Variants in UBTD2 observed in about 807,000 individuals in gnomAD.
The protein encoded by UBTD2 is ubiquitin domain-containing protein 2.
In UBTD2, 9 loss-of-function variants were observed where a neutral mutation model predicts 19.8. That is an observed-to-expected ratio of 0.46 (90% CI 0.27 to 0.79). The LOEUF (loss-of-function observed/expected upper bound fraction) is 0.79. UBTD2 is among the 30% of genes least tolerant of loss of function. The pLI, the probability that UBTD2 is intolerant of heterozygous loss-of-function variation, is 0.14. For synonymous variants in UBTD2, 98 were observed against 103.9 expected, an observed-to-expected ratio of 0.94 and a Z score of 0.35; for missense variants, 250 against 300.4, an observed-to-expected ratio of 0.83 and a Z score of 1.24.
intron 1 of UBTD2, among the ~76,000 whole-genome samples, chr5:172,262,932 T>C (rs1755302043): frequency 6.6e-6 from 1 of 152,136 alleles, no homozygotes; most frequent in Non-Finnish European, 1.5e-5. Context: ...TGCATTCAAC[T>C]AGTTTTTTGT....
At chr5:172,262,947 T>G (rs1454455002) in intron 1 of UBTD2, among the ~76,000 whole-genome samples, 1 of 152,184 alleles carries the variant, frequency 6.6e-6, no homozygotes, top group African/African-American at 2.4e-5. Flanking sequence ...TTTTGTTGTT[T>G]TATTTTTTGA....
Position 172,283,740 on chromosome 5 carries a change from C to G in UBTD2, c.-75G>C. On this transcript the variant is annotated 5_prime_UTR_variant, in exon 1 of 3. Transcript: ENST00000393792. The surrounding 1 kb of genome is among the most constrained non-coding windows in gnomAD (Gnocchi z 4.3). ...GCCGCCGCCGCCGCTGCAGCCTCCTCCGGCGCCACCGCCGAGCTCCGGACA... is the reference window on the plus strand; with the variant it reads ...GCCGCCGCCGCCGCTGCAGCCTCCTGCGGCGCCACCGCCGAGCTCCGGACA... 5.6e-6 allele frequency: 6 copies of G among 1,073,864 alleles called. No individual in the cohort carries two copies. The highest frequency in any genetic ancestry group is 6.9e-6 in the Non-Finnish European group (6 of 864,710). 66.5% of individuals were successfully genotyped at this position (1,073,864 alleles called of 1,614,324 possible).
At chr5:172,277,699 CTA>C (rs1561869171) in intron 1 of UBTD2, among the ~76,000 whole-genome samples, 1 of 151,570 alleles carries the variant, frequency 6.6e-6, no homozygotes. Context: ...GAGCGAGACT[CTA>C]TTAAAAAACA....
At chr5:172,261,198 G>A (rs1056186039) in intron 1 of UBTD2, among the ~76,000 whole-genome samples, 82 of 152,224 alleles carry the variant, frequency 5.4e-4, no homozygotes, top group African/African-American at 1.9e-3. Flanking sequence ...AAACCAGAAG[G>A]TGACCCCAAA....
intron 1 of UBTD2, among the ~76,000 whole-genome samples, chr5:172,265,143 A>G (rs1177194935): frequency 6.6e-6 from 1 of 152,218 alleles, no homozygotes; most frequent in African/African-American, 2.4e-5. Flanking sequence ...AATAAAATAC[A>G]CAAACACAAA....
chr5:172,223,152 T>G (rs1022166518), intron 2 of UBTD2, among the ~76,000 whole-genome samples: 1 of 152,144 alleles, frequency 6.6e-6, no homozygotes, highest in African/African-American at 2.4e-5. Context: ...AAATAGATAA[T>G]TTAGGGTTAC....
intron 1 of UBTD2, among the ~76,000 whole-genome samples, chr5:172,259,969 C>T (rs924195652): frequency 8.6e-5 from 13 of 152,032 alleles, no homozygotes; most frequent in South Asian, 4.1e-4. Context: ...AGGAGAATCG[C>T]TTGAACCCAG....
rs542106004 is a variant in UBTD2 at position 172,234,705 on chromosome 5, G to A, written c.71-347C>T. Among the ~76,000 whole-genome samples the A allele has an allele frequency of 1.6e-4, 24 of 152,204 alleles. 1 individual carries two copies. The South Asian group carries it at 4.6e-3, about 29-fold the overall frequency. On this transcript the variant is annotated intron_variant, in intron 1 of 2. Coordinates refer to ENST00000393792, the MANE Select transcript of UBTD2 (RefSeq NM_152277.3). ...AAGGAAGGCTTGAATCCAGGAGTTC[G>A]AGACTAGCCTGGGCAACATGGTGAG...
Position 172,283,612 on chromosome 5 carries a change from G to C in UBTD2, c.54C>G (p.Asn18Lys). Residue 18 changes from asparagine to lysine, a missense_variant, in exon 1 of 3, where the codon AAC (asparagine) becomes AAG (lysine). Transcript: ENST00000393792. The surrounding 1 kb of genome is among the most constrained non-coding windows in gnomAD (Gnocchi z 4.3). Reference sequence around the variant, plus strand: ...CTCACCTACCTCCGGTGCCCTCCGAGTTCTCGTTGAGGCTGCCCGAGGAGT... The same window carrying C: ...CTCACCTACCTCCGGTGCCCTCCGACTTCTCGTTGAGGCTGCCCGAGGAGT... ...QHDSSGSLNE[N>K]SEGTGVALGR... 7.6e-7 allele frequency: 1 copy of C among 1,307,384 alleles called. No individual in the cohort carries two copies. Among genetic ancestry groups the C allele is most frequent in the Non-Finnish European group, 9.8e-7 (1 of 1,019,872 alleles). 81.0% of individuals were successfully genotyped at this position (1,307,384 alleles called of 1,614,324 possible).
chr5:172,240,652 G>C (rs565482356), intron 1 of UBTD2, among the ~76,000 whole-genome samples: 2 of 151,902 alleles, frequency 1.3e-5, no homozygotes, highest in Admixed American at 6.6e-5. Context: ...TTTAACTATA[G>C]CTCTCAGATC....
intron 1 of UBTD2, among the ~76,000 whole-genome samples, chr5:172,241,980 T>C (rs1442184418): frequency 6.6e-6 from 1 of 152,264 alleles, no homozygotes; most frequent in Non-Finnish European, 1.5e-5. Flanking sequence ...ATCGTGCAAC[T>C]GCACTCTAGC....
intron 2 of UBTD2, among the ~76,000 whole-genome samples, chr5:172,224,298 CTTTTT>C (rs35105814): frequency 4.1e-5 from 5 of 121,646 alleles, no homozygotes; most frequent in Admixed American, 9.1e-5. Flanking sequence ...TTTTTCATTT[CTTTTT>C]TTTTTTTTTT....
chr5:172,267,943 C>A (rs1755408666), intron 1 of UBTD2, among the ~76,000 whole-genome samples: 1 of 152,176 alleles, frequency 6.6e-6, no homozygotes. Context: ...CAGATCTTTT[C>A]ATTATACTAT....
chr5:172,256,234 T>C (rs940565180), intron 1 of UBTD2, among the ~76,000 whole-genome samples: 2 of 152,192 alleles, frequency 1.3e-5, no homozygotes, highest in African/African-American at 2.4e-5. Context: ...TATTAAGTCA[T>C]AGCTGTGATA....
intron 1 of UBTD2, among the ~76,000 whole-genome samples, chr5:172,238,825 G>A (rs1772063543): frequency 1.3e-5 from 2 of 152,094 alleles, no homozygotes; most frequent in Non-Finnish European, 2.9e-5. Flanking sequence ...AGAAAGAAGA[G>A]GCCATAATGC....
In UBTD2 at chr5:172,211,949, A is replaced by G; in HGVS notation, c.586T>C (p.Phe196Leu). 1.2e-6 allele frequency: 2 copies of G among 1,614,182 alleles called. No individual in the cohort carries two copies. The highest frequency in any genetic ancestry group is 1.7e-6 in the Non-Finnish European group (2 of 1,180,044). Residue 196 changes from phenylalanine (F) to leucine (L), a missense_variant, in exon 3 of 3, where the codon TTT becomes CTT. By Grantham distance (22) the Phe-to-Leu change is conservative. Coordinates refer to ENST00000393792, the MANE Select transcript of UBTD2 (RefSeq NM_152277.3). ...GVEPGSQRWFFSGRPLTDKMK... is the reference protein window; with the variant it reads ...GVEPGSQRWFLSGRPLTDKMK... ...TTGTCAGTGAGAGGTCTGCCAGAAA[A>G]AAACCACCGCTGACTACCTGGTTCC...
At chr5:172,264,947 T>C (rs772473681) in intron 1 of UBTD2, among the ~76,000 whole-genome samples, 5 of 152,222 alleles carry the variant, frequency 3.3e-5, no homozygotes, top group African/African-American at 1.2e-4. Flanking sequence ...TTGTCATTAC[T>C]TCCTATTCAT....
chr5:172,255,173 G>A (rs1157828191), intron 1 of UBTD2: 2 of 461,116 alleles, frequency 4.3e-6, no homozygotes, highest in African/African-American at 2.0e-5. Flanking sequence ...GCTCTCTGGT[G>A]TGAGGATAGG....
At chr5:172,216,505 C>T (rs1771544344) in intron 2 of UBTD2, among the ~76,000 whole-genome samples, 1 of 141,866 alleles carries the variant, frequency 7.0e-6, no homozygotes, top group African/African-American at 2.6e-5. Flanking sequence ...ATAACTCCAG[C>T]ACTTTGCGAG....
Sources: gnomAD v4.1 joint callset for allele counts (sites outside exome capture counted in the v4.1 genomes callset) on GRCh38, gnomAD v4.1.1 for gene constraint, Gnocchi (gnomAD v3.1) non-coding constraint, MANE v1.5 for transcripts, NCBI Gene and HGNC (gene_info 2026-07-23, HGNC 2026-07-21) for gene names.